HIVEP1: variants seen among roughly 807,000 people sequenced by gnomAD.
HIVEP1 encodes HIVEP zinc finger 1, also known as zinc finger protein 40.
Under a neutral mutation model 180.0 loss-of-function variants are expected in HIVEP1, and 36 were observed. The observed-to-expected ratio is 0.20, with a 90% CI of 0.15 to 0.26. The LOEUF is 0.26. Ranked by LOEUF, HIVEP1 falls within the 10% of genes least tolerant of loss-of-function variation. The pLI is 1.00. For missense variants in HIVEP1, 3,143 were observed against 3,268.7 expected (o/e 0.96, Z 0.94); for synonymous variants, 1,239 against 1,239.0 (o/e 1.00, Z 0.00).
At chr6:12,016,150 C>T (rs1767729801) in intron 2 of HIVEP1, among the ~76,000 whole-genome samples, 1 of 152,136 alleles carries the variant, frequency 6.6e-6, no homozygotes, top group Non-Finnish European at 1.5e-5. Flanking sequence ...TTGCAGAAGT[C>T]AGAGGCAAAC....
At position 12,075,590 on chromosome 6, in the gene HIVEP1, CTT is replaced by C. The variant is rs11299317; in HGVS notation, c.41-13583_41-13582del. Reference sequence around the variant, plus strand: ...GTTTTTAAAAAATTTCAGATTGGGCCTTTTTTTTTTTTCTAAACTTCATTATG... The same window carrying C: ...GTTTTTAAAAAATTTCAGATTGGGCCTTTTTTTTTTCTAAACTTCATTATG... On this transcript the variant is annotated intron_variant, in intron 2 of 8. Coordinates refer to ENST00000379388, the MANE Select transcript of HIVEP1 (RefSeq NM_002114.4). 4.2e-5 allele frequency among the ~76,000 whole-genome samples: 6 copies of C among 144,076 alleles called. No homozygotes were observed. The East Asian group carries it at 1.2e-3, about 28-fold the overall frequency. The allele number at this position is 144,076 out of a possible 152,430, so 94.5% of individuals were successfully genotyped here. A position where few individuals can be genotyped will look rare whatever the true frequency, so the allele number is the denominator to read the frequency against.
At chr6:12,057,676 G>T (rs956864159) in intron 2 of HIVEP1, among the ~76,000 whole-genome samples, 4 of 152,146 alleles carry the variant, frequency 2.6e-5, no homozygotes, top group East Asian at 1.9e-4. Flanking sequence ...ATGTTCTGGG[G>T]TATTCTAGTT....
intron 2 of HIVEP1, among the ~76,000 whole-genome samples, chr6:12,068,121 G>A (rs917243132): frequency 3.3e-5 from 5 of 151,982 alleles, no homozygotes; most frequent in Admixed American, 2.6e-4. Flanking sequence ...ATGGAGTTTC[G>A]CCCTCGTTGC....
chr6:12,036,679 G>A (rs1213927911), intron 2 of HIVEP1, among the ~76,000 whole-genome samples: 1 of 152,216 alleles, frequency 6.6e-6, no homozygotes, highest in African/African-American at 2.4e-5. Flanking sequence ...TGAAGCAGGT[G>A]GATCACCTGA....
At chr6:12,167,679 T>C (rs1212227326), downstream of HIVEP1, among the ~76,000 whole-genome samples, 30 of 27,186 alleles carry the variant, frequency 1.1e-3, no homozygotes, top group African/African-American at 3.4e-3. Flanking sequence ...TATACATATA[T>C]GTGTATAATA....
upstream of HIVEP1, chr6:12,008,856 A>T (rs2113529611): frequency 6.6e-6 from 1 of 152,290 alleles, no homozygotes; most frequent in Non-Finnish European, 1.5e-5. Context: ...TTTGGATCAG[A>T]CTTTTGTGTT....
intron 7 of HIVEP1, among the ~76,000 whole-genome samples, chr6:12,144,475 G>A (rs919934949): frequency 6.6e-6 from 1 of 152,148 alleles, no homozygotes; most frequent in African/African-American, 2.4e-5. Context: ...CATGGGCAAG[G>A]ACTTCATGTC....
chr6:12,176,752 G>C, the HIVEP1 span, among the ~76,000 whole-genome samples: 1 of 152,082 alleles, frequency 6.6e-6, no homozygotes, highest in African/African-American at 2.4e-5. Flanking sequence ...CAGATGCATA[G>C]TTTGCAAATA....
At chr6:12,148,255 G>A (rs374876842) in intron 7 of HIVEP1, among the ~76,000 whole-genome samples, 1 of 152,162 alleles carries the variant, frequency 6.6e-6, no homozygotes, top group Non-Finnish European at 1.5e-5. Context: ...GGTCACTGTC[G>A]AGTGAGCTCA....
chr6:12,137,579 A>T (rs1347405321), intron 7 of HIVEP1, among the ~76,000 whole-genome samples: 1 of 150,356 alleles, frequency 6.7e-6, no homozygotes, highest in East Asian at 2.0e-4. Context: ...ACTTTTTTTT[A>T]AAACTACTGT....
intron 6 of HIVEP1, among the ~76,000 whole-genome samples, chr6:12,131,776 CAG>C (rs1301824249): frequency 0.011 from 70 of 6,266 alleles, no homozygotes; most frequent in Non-Finnish European, 0.018. Context: ...TCTGAGAAAA[CAG>C]TAAAAAAAAA....
downstream of HIVEP1, among the ~76,000 whole-genome samples, chr6:12,168,262 ATATATACATATATACATATAT>A (rs1298182730): frequency 6.9e-4 from 84 of 121,880 alleles, no homozygotes; most frequent in East Asian, 0.011. Context: ...ATATACGTGT[ATATATACATATATACATATAT>A]TATATACATA....
At chr6:12,052,360 T>C (rs956883528) in intron 2 of HIVEP1, among the ~76,000 whole-genome samples, 16 of 152,252 alleles carry the variant, frequency 1.1e-4, no homozygotes, top group African/African-American at 3.9e-4. Flanking sequence ...TTTTTATTAA[T>C]ACATTTTAAC....
chr6:12,033,430 G>C (rs186625106), intron 2 of HIVEP1, among the ~76,000 whole-genome samples: 1 of 151,394 alleles, frequency 6.6e-6, no homozygotes, highest in African/African-American at 2.4e-5. Context: ...TGATTAGAAG[G>C]GGCAAAGCAA....
chr6:12,087,547 A>G (rs1425628685), intron 2 of HIVEP1, among the ~76,000 whole-genome samples: 1 of 152,084 alleles, frequency 6.6e-6, no homozygotes, highest in Admixed American at 6.6e-5. Flanking sequence ...TTCAAGTACT[A>G]TATGTTATGT....
In HIVEP1 at chr6:12,122,027, T is replaced by G; in HGVS notation, c.2232T>G (p.Leu744=). The change falls in exon 4 of 9, where the codon CTT becomes CTG. Residue 744 remains leucine (L), a synonymous_variant. Transcript: ENST00000379388. ...GCCCACCTTTGGCCACAAAAACACT[T>G]GAGGAGCGGATATCGAAGCTTATCT... The part of the protein sequence containing the change: ...QMRPPLATKT[L]EERISKLISD... The G allele has an allele frequency of 6.2e-7, 1 of 1,614,116 alleles. No homozygotes were observed. Among genetic ancestry groups the G allele is most frequent in the Non-Finnish European group, 8.5e-7 (1 of 1,180,010 alleles).
Position 12,013,371 on chromosome 6 carries a change from T to C in HIVEP1, c.-104+805T>C, listed in dbSNP as rs576527745. ...TTGCTCCATGTAGTATTTATTTCTT[T>C]CCCGTAAAGGAACGGTTTATCACTC... is the stretch of plus-strand genomic sequence containing the variant. On this transcript the variant is annotated intron_variant, in intron 1 of 8. Coordinates refer to ENST00000379388, the MANE Select transcript of HIVEP1 (RefSeq NM_002114.4). 1.3e-3 allele frequency among the ~76,000 whole-genome samples: 205 copies of C among 152,368 alleles called. 1 individual carries two copies. Among genetic ancestry groups the C allele is most frequent in the African/African-American group, 4.7e-3 (194 of 41,594 alleles).
At chr6:12,206,515 G>GTTA in the HIVEP1 span, among the ~76,000 whole-genome samples, 1 of 152,126 alleles carries the variant, frequency 6.6e-6, no homozygotes, top group African/African-American at 2.4e-5. Flanking sequence ...GAGGACTGGA[G>GTTA]TTATGTTGCC....
chr6:12,113,838 G>A (rs139392411), intron 3 of HIVEP1, among the ~76,000 whole-genome samples: 6 of 152,300 alleles, frequency 3.9e-5, no homozygotes, highest in South Asian at 4.1e-4. Flanking sequence ...CTGCTGCCAC[G>A]AAACTTCTCC....
Sources: gnomAD v4.1 joint callset for allele counts (sites outside exome capture counted in the v4.1 genomes callset) on GRCh38, gnomAD v4.1.1 for gene constraint, MANE v1.5 for transcripts, NCBI Gene and HGNC (gene_info 2026-07-23, HGNC 2026-07-21) for gene names.